Variants in CIMAP2 observed in about 807,000 individuals in gnomAD.
The protein encoded by CIMAP2 is ciliary microtubule-associated protein 2.
At chr1:54,823,882 A>G in the CIMAP2 span, among the ~76,000 whole-genome samples, 6 of 151,882 alleles carry the variant, frequency 4.0e-5, no homozygotes, top group African/African-American at 1.5e-4. Context: ...CAAATAATTT[A>G]TTTCTTCTTC....
the CIMAP2 span, among the ~76,000 whole-genome samples, chr1:54,839,480 C>T: frequency 9.9e-5 from 15 of 152,010 alleles, no homozygotes; most frequent in South Asian, 8.3e-4. Context: ...TGGGTTCAAG[C>T]GATTCTCTTG....
chr1:54,819,548 T>C, the CIMAP2 span, among the ~76,000 whole-genome samples: 18 of 152,216 alleles, frequency 1.2e-4, no homozygotes, highest in African/African-American at 3.6e-4. Flanking sequence ...TAATTTTTAT[T>C]TTTGTAGAGA....
At chr1:54,814,661 C>A in the CIMAP2 span, among the ~76,000 whole-genome samples, 3 of 152,342 alleles carry the variant, frequency 2.0e-5, no homozygotes, top group East Asian at 1.9e-4. Flanking sequence ...GCTGTCTGGG[C>A]CCCACCAGAC....
At chr1:54,821,783 A>T in the CIMAP2 span, among the ~76,000 whole-genome samples, 1 of 149,908 alleles carries the variant, frequency 6.7e-6, no homozygotes, top group African/African-American at 2.4e-5. Context: ...CAGTTCTAAG[A>T]GTTTTGATGG....
the CIMAP2 span, among the ~76,000 whole-genome samples, chr1:54,836,254 C>A: frequency 6.6e-6 from 1 of 151,128 alleles, no homozygotes; most frequent in Admixed American, 6.6e-5. Context: ...CCTCCCTCCC[C>A]CTTCGCCCTC....
chr1:54,808,616 G>GGGGGTT, the CIMAP2 span, among the ~76,000 whole-genome samples: 1 of 139,556 alleles, frequency 7.2e-6, no homozygotes, highest in African/African-American at 2.6e-5. Flanking sequence ...TGCTGCCGGG[G>GGGGGTT]GAGGGCAGTG....
At chr1:54,806,970 C>G in the CIMAP2 span, 216,977 of 1,596,822 alleles carry the variant, frequency 0.14, 15,216 homozygotes, top group Admixed American at 0.18. Flanking sequence ...GCACAGGGCT[C>G]TCACTGGGCC....
chr1:54,807,247 C>T, the CIMAP2 span, among the ~76,000 whole-genome samples: 1 of 152,306 alleles, frequency 6.6e-6, no homozygotes, highest in Non-Finnish European at 1.5e-5. Flanking sequence ...GTTTGATAAA[C>T]GAGGGACTGC....
chr1:54,819,982 C>CTTTT, the CIMAP2 span, among the ~76,000 whole-genome samples: 7 of 115,156 alleles, frequency 6.1e-5, no homozygotes, highest in Admixed American at 3.1e-4. Flanking sequence ...TTCTTTTTCT[C>CTTTT]TCTTTCTTCT....
At chr1:54,834,460 G>C in the CIMAP2 span, among the ~76,000 whole-genome samples, 7 of 152,072 alleles carry the variant, frequency 4.6e-5, no homozygotes, top group Non-Finnish European at 8.8e-5. Context: ...TTCTTTCCCT[G>C]GTATTTTATT....
the CIMAP2 span, chr1:54,807,516 TCTGA>T: frequency 6.6e-7 from 1 of 1,525,126 alleles, no homozygotes; most frequent in Non-Finnish European, 8.8e-7. Flanking sequence ...CTGACCACAC[TCTGA>T]CTCAGTCCCA....
chr1:54,837,126 AGGTAGGGGACTGT>A, the CIMAP2 span, among the ~76,000 whole-genome samples: 1 of 151,974 alleles, frequency 6.6e-6, no homozygotes, highest in African/African-American at 2.4e-5. Context: ...TCCTAGATTG[AGGTAGGGGACTGT>A]GGTTCTGTTG....
the CIMAP2 span, among the ~76,000 whole-genome samples, chr1:54,830,323 A>G: frequency 6.6e-6 from 1 of 152,114 alleles, no homozygotes; most frequent in Non-Finnish European, 1.5e-5. The surrounding 1 kb of genome is among the most constrained non-coding windows in gnomAD (Gnocchi z 4.1). Context: ...CCTGGGCTCA[A>G]GTGATTCTCC....
At chr1:54,819,328 C>G in the CIMAP2 span, among the ~76,000 whole-genome samples, 4 of 152,158 alleles carry the variant, frequency 2.6e-5, no homozygotes, top group Non-Finnish European at 4.4e-5. Context: ...GGAATCTATC[C>G]ACAAACCAAA....
At chr1:54,813,709 T>G in the CIMAP2 span, 1 of 1,292,156 alleles carries the variant, frequency 7.7e-7, no homozygotes, top group Non-Finnish European at 1.1e-6. Context: ...CACAGCAGGA[T>G]AGTAAGTGAT....
the CIMAP2 span, among the ~76,000 whole-genome samples, chr1:54,824,298 G>A: frequency 3.3e-5 from 5 of 152,178 alleles, no homozygotes; most frequent in East Asian, 1.9e-4. Flanking sequence ...AAAGTGCTGC[G>A]ATTACAGGTG....
the CIMAP2 span, chr1:54,811,773 G>GCACCCCCCCCCCCC: frequency 7.5e-7 from 1 of 1,325,052 alleles, no homozygotes; most frequent in Non-Finnish European, 1.0e-6. Context: ...CAGCCTCCAT[G>GCACCCCCCCCCCCC]CCCCCACCCC....
the CIMAP2 span, among the ~76,000 whole-genome samples, chr1:54,829,762 G>T: frequency 2.5e-4 from 38 of 152,206 alleles, no homozygotes; most frequent in African/African-American, 8.4e-4. Context: ...GTTTCATGAA[G>T]GCAGTGCTTT....
chr1:54,808,719 TGG>T, the CIMAP2 span, among the ~76,000 whole-genome samples: 1 of 146,156 alleles, frequency 6.8e-6, no homozygotes, highest in Non-Finnish European at 1.5e-5. Context: ...TGCTGAGAGG[TGG>T]GGGTGGCAGC....
Sources: gnomAD v4.1 joint callset for allele counts (sites outside exome capture counted in the v4.1 genomes callset) on GRCh38, gnomAD v4.1.1 for gene constraint, Gnocchi (gnomAD v3.1) non-coding constraint, MANE v1.5 for transcripts, NCBI Gene and HGNC (gene_info 2026-07-23, HGNC 2026-07-21) for gene names.